VCAN: variants seen among roughly 807,000 people sequenced by gnomAD.
VCAN encodes the protein versican, also known as versican core protein.
In VCAN, 44 loss-of-function variants were observed where a neutral mutation model predicts 245.5. That is an observed-to-expected ratio of 0.18 (90% confidence interval 0.14 to 0.23). The LOEUF is 0.23. Among genes scored for constraint, VCAN ranks in the 10% least tolerant of loss-of-function variants. The probability of loss-of-function intolerance (pLI) is 1.00; values close to 1 mark genes in which losing one functional copy is unlikely to be tolerated. For missense variants in VCAN, 3,793 were observed against 4,057.9 expected, an observed-to-expected ratio of 0.93 and a Z score of 1.77; for synonymous variants, 1,413 against 1,437.0, an observed-to-expected ratio of 0.98 and a Z score of 0.38.
Position 83,538,064 on chromosome 5 carries a change from C to T in VCAN, c.5061C>T (p.Thr1687=). ...ITESFFEVPA[T]TIYPVSEQPS... Reference sequence around the variant, plus strand: ...AAAGCTTTTTTGAGGTTCCTGCAACCACCATTTATCCAGTTTCTGAACAAC... The same window carrying T: ...AAAGCTTTTTTGAGGTTCCTGCAACTACCATTTATCCAGTTTCTGAACAAC... Residue 1687 remains threonine, a synonymous_variant, in exon 8 of 15, where the codon ACC becomes ACT. Transcript: ENST00000265077. 3 of 1,614,058 alleles carry T rather than the reference C, an allele frequency of 1.9e-6. No homozygotes were observed. The highest frequency in any genetic ancestry group is 2.5e-6 in the Non-Finnish European group (3 of 1,179,966).
Position 83,538,221 on chromosome 5 carries a change from G to A in VCAN, c.5218G>A (p.Val1740Ile), listed in dbSNP as rs367868306. ...TACAGGTACGGCTTCTACATTTGAG[G>A]TATATTCATCTACACAGAGATCGGA... ...GTTGTASTFE[V>I]YSSTQRSDQL... The change falls in exon 8 of 15, where the codon GTA (valine) becomes ATA (isoleucine). Residue 1740 changes from valine to isoleucine, a missense_variant. Coordinates refer to ENST00000265077, the MANE Select transcript of VCAN (RefSeq NM_004385.5). The A allele has an allele frequency of 9.3e-6, 15 of 1,613,418 alleles. No individual in the cohort carries two copies. Among genetic ancestry groups the A allele is most frequent in the African/African-American group, 1.3e-5 (1 of 74,724 alleles).
rs1746876567 is a variant in VCAN at position 83,539,497 on chromosome 5, G to A, written c.6494G>A (p.Ser2165Asn). 1 of 1,613,728 alleles carries A rather than the reference G, an allele frequency of 6.2e-7. No individual in the cohort carries two copies. The highest frequency in any genetic ancestry group is 1.3e-5 in the African/African-American group (1 of 74,888). The change falls in exon 8 of 15, where the codon AGT (serine) becomes AAT (asparagine). Residue 2165 changes from serine (S) to asparagine (N), a missense_variant. By Grantham distance (46) the Ser-to-Asn change is conservative. Around this residue, in one of 5 missense-constraint regions of VCAN, gnomAD observed 3,182 missense variants for 3,250.3 expected, o/e 0.98. Transcript: ENST00000265077. The stretch of plus-strand genomic sequence containing the variant: ...GTACTAACAACAAAGAAAACTTACA[G>A]TGATGATAAAGAAATGAAGGAGGAA... ...YSVLTTKKTY[S>N]DDKEMKEEDT... is the part of the protein sequence containing the mutation.
intron 7 of VCAN, among the ~76,000 whole-genome samples, chr5:83,532,316 A>G (rs796077919): frequency 2.6e-5 from 4 of 152,208 alleles, no homozygotes; most frequent in African/African-American, 9.6e-5. Flanking sequence ...GGGGGCAAGT[A>G]GGATTTGGTG....
intron 1 of VCAN, among the ~76,000 whole-genome samples, chr5:83,476,425 G>GGGATTAAAAAAAATAAGTTAGGAA (rs1744394351): frequency 2.6e-5 from 4 of 152,164 alleles, no homozygotes; most frequent in Non-Finnish European, 5.9e-5. Context: ...CACCACCCAC[G>GGGATTAAAAAAAATAAGTTAGGAA]TAGAGAAACC....
At chr5:83,504,275 C>T (rs1745416535) in intron 5 of VCAN, among the ~76,000 whole-genome samples, 1 of 152,084 alleles carries the variant, frequency 6.6e-6, no homozygotes, top group African/African-American at 2.4e-5. Flanking sequence ...TAAGATACTG[C>T]ATATGTTTTC....
chr5:83,529,426 A>G (rs1286304670), intron 7 of VCAN, among the ~76,000 whole-genome samples: 1 of 151,900 alleles, frequency 6.6e-6, no homozygotes, highest in African/African-American at 2.4e-5. Flanking sequence ...TAATAACTAT[A>G]TAGCATTTAC....
At chr5:83,578,226 C>T (rs1002329239) in intron 13 of VCAN, among the ~76,000 whole-genome samples, 3 of 151,984 alleles carry the variant, frequency 2.0e-5, no homozygotes, top group Non-Finnish European at 4.4e-5. Context: ...CAAACTAACA[C>T]AGGAACAGAA....
intron 7 of VCAN, among the ~76,000 whole-genome samples, chr5:83,525,621 T>C (rs1214665151): frequency 6.6e-6 from 1 of 152,190 alleles, no homozygotes; most frequent in Admixed American, 6.6e-5. Flanking sequence ...TCATATATAC[T>C]ACTTATTATG....
intron 6 of VCAN, among the ~76,000 whole-genome samples, chr5:83,516,093 A>G (rs372123528): frequency 2.8e-4 from 42 of 152,226 alleles, no homozygotes; most frequent in East Asian, 9.7e-4. Context: ...TTAGCCGGGC[A>G]TGGTGGCGGG....
In VCAN at chr5:83,512,267, C is replaced by T. The variant is rs1434878313; in HGVS notation, c.913C>T (p.Arg305Cys). ...CGGGTGGCTGTCGGATGCCAGCGTG[C>T]GCCACCCTGTGACTGTGGCCAGGGC... ...DYGWLSDASV[R>C]HPVTVARAQC... is the part of the protein sequence containing the mutation. The change falls in exon 6 of 15, where the codon CGC becomes TGC. Residue 305 changes from arginine (R) to cysteine (C), a missense_variant. Coordinates refer to ENST00000265077, the MANE Select transcript of VCAN (RefSeq NM_004385.5). The T allele has an allele frequency of 2.5e-6, 4 of 1,614,148 alleles. No individual in the cohort carries two copies. Among genetic ancestry groups the T allele is most frequent in the Non-Finnish European group, 2.5e-6 (3 of 1,180,016 alleles).
At chr5:83,576,523 T>G (rs1156736462) in intron 13 of VCAN, among the ~76,000 whole-genome samples, 2 of 152,194 alleles carry the variant, frequency 1.3e-5, no homozygotes, top group Non-Finnish European at 2.9e-5. Flanking sequence ...AAACAATGTT[T>G]CTATGAGCAT....
intron 13 of VCAN, among the ~76,000 whole-genome samples, chr5:83,576,148 G>A (rs565002376): frequency 1.3e-5 from 2 of 151,984 alleles, no homozygotes; most frequent in South Asian, 4.2e-4. Context: ...TGTATCTGTG[G>A]AGTATCCTGT....
intron 1 of VCAN, among the ~76,000 whole-genome samples, chr5:83,482,157 A>G (rs185849697): frequency 6.6e-6 from 1 of 152,186 alleles, no homozygotes; most frequent in African/African-American, 2.4e-5. Flanking sequence ...GCCTTTGCTG[A>G]TTCTTTCTCA....
rs367904766 is a variant in VCAN at position 83,542,077 on chromosome 5, C to T, written c.9074C>T (p.Thr3025Met). 5.6e-5 allele frequency: 91 copies of T among 1,613,574 alleles called. No individual in the cohort carries two copies. The highest frequency in any genetic ancestry group is 3.5e-4 in the Admixed American group (21 of 59,982). ...QAALIRGQDS[T>M]IAASEQQVAA... The stretch of plus-strand genomic sequence containing the variant: ...GCTTTAATCAGAGGGCAGGATTCCA[C>T]GATAGCAGCATCAGAACAGCAAGTG... Residue 3025 changes from threonine (T) to methionine (M), a missense_variant, in exon 8 of 15, where the codon ACG becomes ATG. This residue lies in a region of VCAN where 3,182 missense variants were observed against 3,250.3 expected (regional missense o/e 0.98). Coordinates refer to ENST00000265077, the MANE Select transcript of VCAN (RefSeq NM_004385.5).
intron 10 of VCAN, among the ~76,000 whole-genome samples, chr5:83,552,160 A>G (rs1747495116): frequency 1.3e-5 from 2 of 152,248 alleles, no homozygotes; most frequent in South Asian, 4.1e-4. Flanking sequence ...TTCAGAATTC[A>G]TACTTTCCCA....
intron 1 of VCAN, among the ~76,000 whole-genome samples, chr5:83,476,439 T>TCTA (rs1744394634): frequency 6.6e-6 from 1 of 152,212 alleles, no homozygotes; most frequent in Non-Finnish European, 1.5e-5. Flanking sequence ...AGAAACCAGT[T>TCTA]AGGACTGACA....
In VCAN at chr5:83,540,814, A is replaced by AACC; in HGVS notation, c.7814_7816dup (p.Pro2605dup). On this transcript the variant is annotated inframe_insertion, in exon 8 of 15. Coordinates refer to ENST00000265077, the MANE Select transcript of VCAN (RefSeq NM_004385.5). ...GATATAGATACAGAGGTACCATCAG[A>AACC]ACCACATGACAGTAATGATGAAAGT... is the stretch of plus-strand genomic sequence containing the variant. 1 of 1,614,040 alleles carries AACC rather than the reference A, an allele frequency of 6.2e-7. No homozygotes were observed. Among genetic ancestry groups the AACC allele is most frequent in the East Asian group, 2.2e-5 (1 of 44,814 alleles).
intron 3 of VCAN, 68 bp downstream of exon 3, chr5:83,490,540 G>A (rs1175833825): frequency 3.9e-5 from 62 of 1,599,704 alleles, no homozygotes; most frequent in Non-Finnish European, 5.2e-5. Context: ...TTGAGAAATA[G>A]CACTCAGAAG....
At position 83,538,089 on chromosome 5, in the gene VCAN, C is replaced by A. The variant is rs1245341585; in HGVS notation, c.5086C>A (p.Pro1696Thr). ...ATTIYPVSEQ[P>T]SAKVVPTKFV... Reference sequence around the variant, plus strand: ...CACCATTTATCCAGTTTCTGAACAACCTTCTGCAAAAGTGGTGCCTACCAA... The same window carrying A: ...CACCATTTATCCAGTTTCTGAACAAACTTCTGCAAAAGTGGTGCCTACCAA... The change falls in exon 8 of 15, where the codon CCT (proline) becomes ACT (threonine). Residue 1696 changes from proline (P) to threonine (T), a missense_variant. Pro to Thr is a conservative substitution (Grantham distance 38, BLOSUM62 -1). This residue lies in a region of VCAN where 3,182 missense variants were observed against 3,250.3 expected (regional missense o/e 0.98). Transcript: ENST00000265077. 1 of 1,614,016 alleles carries A rather than the reference C, an allele frequency of 6.2e-7. No individual in the cohort carries two copies. The highest frequency in any genetic ancestry group is 2.2e-5 in the East Asian group (1 of 44,852).
Sources: allele counts gnomAD v4.1 joint callset (sites outside exome capture counted in the v4.1 genomes callset), GRCh38; gene constraint gnomAD v4.1.1; regional missense constraint gnomAD v4.1.1; transcripts MANE v1.5; gene names NCBI Gene and HGNC (gene_info 2026-07-23, HGNC 2026-07-21).